Variants in CTU2 observed in about 807,000 individuals in gnomAD.
The protein encoded by CTU2 is cytoplasmic tRNA 2-thiolation protein 2.
CTU2 carries 80 observed loss-of-function variants against 64.1 expected under a neutral mutation model. That is an observed-to-expected ratio of 1.25 (90% CI 1.04 to 1.50). The LOEUF (loss-of-function observed/expected upper bound fraction) is 1.50, where lower values mean the gene tolerates loss of function less well. Among genes scored for constraint, CTU2 ranks in the 40% most tolerant of loss-of-function variants. The pLI is 0.00. For missense variants in CTU2, 1,110 were observed against 690.2 expected (o/e 1.61, Z -6.81); for synonymous variants, 482 against 285.3 (o/e 1.69, Z -6.95).
rs1462259807 is a variant in CTU2 at position 88,712,753 on chromosome 16, C to T, written c.585C>T (p.Gly195=). ...TGCTGGGGGCCGGGGGTGGTCCTGG[C>T]CCGACTCAAGGGGAGGAACAGCCAC... The part of the protein sequence containing the change: ...QHVLGAGGGP[G]PTQGEEQPPQ... The change falls in exon 7 of 15, where the codon GGC becomes GGT. Residue 195 remains glycine (G), a synonymous_variant. Transcript: ENST00000453996. 2 of 1,608,292 alleles carry T rather than the reference C, an allele frequency of 1.2e-6. No individual in the cohort carries two copies. Among genetic ancestry groups the T allele is most frequent in the African/African-American group, 2.7e-5 (2 of 74,758 alleles).
chr16:88,709,130 C>T (rs1469043279), intron 2 of CTU2: 2 of 152,210 alleles, frequency 1.3e-5, no homozygotes, highest in Non-Finnish European at 2.9e-5. Flanking sequence ...CAACAATTAG[C>T]TAGGCATGGT....
At position 88,711,671 on chromosome 16, in the gene CTU2, G is replaced by C; in HGVS notation, c.319G>C (p.Val107Leu). The change falls in exon 5 of 15, where the codon GTG becomes CTG. Residue 107 changes from valine to leucine, a missense_variant. Physicochemically the swap from Val to Leu is conservative, Grantham distance 32. Coordinates refer to ENST00000453996, the MANE Select transcript of CTU2 (RefSeq NM_001012759.3). ...AGATTCTGCCAAAAGACTGCGCTTT[G>C]TGGCAGGAGTCATCTTTGTTGACGG... ...SQDSAKRLRFVAGVIFVDEGA... is the reference protein window; with the variant it reads ...SQDSAKRLRFLAGVIFVDEGA... 6.2e-7 allele frequency: 1 copy of C among 1,608,762 alleles called. No homozygotes were observed. Among genetic ancestry groups the C allele is most frequent in the South Asian group, 1.1e-5 (1 of 90,030 alleles).
In CTU2 at chr16:88,714,571, C is replaced by T; in HGVS notation, c.1202-16C>T. 1 of 1,612,664 alleles carries T rather than the reference C, an allele frequency of 6.2e-7. No individual in the cohort carries two copies. The highest frequency in any genetic ancestry group is 8.5e-7 in the Non-Finnish European group (1 of 1,179,876). ...CTCAGCAGCCCCAGGCTCCGTCACC[C>T]CCTCTCTGCTTGCAGACAGTGCCAC... On this transcript the variant is annotated splice_polypyrimidine_tract_variant and intron_variant, in intron 11 of 14. Transcript: ENST00000453996.
In CTU2 at chr16:88,710,300, C is replaced by T. The variant is rs147078272; in HGVS notation, c.282+18C>T. Reference sequence around the variant, plus strand: ...TTCTTGAGGTGCGTGTTCACCACCCCGTGGGCCCGGGCTGCTGGGCTGAGC... The same window carrying T: ...TTCTTGAGGTGCGTGTTCACCACCCTGTGGGCCCGGGCTGCTGGGCTGAGC... On this transcript the variant is annotated intron_variant, in intron 4 of 14. Transcript: ENST00000453996. The T allele has an allele frequency of 8.0e-3, 12,832 of 1,613,672 alleles. 109 individuals carry two copies. The highest frequency in any genetic ancestry group is 0.031 in the African/African-American group (2,303 of 75,030).
At chr16:88,713,919 G>C (rs1911610571) in intron 9 of CTU2, 141 bp downstream of exon 9, 10 of 1,262,624 alleles carry the variant, frequency 7.9e-6, no homozygotes, top group Admixed American at 1.9e-5. Context: ...TGCATCCTCT[G>C]AGCCCACCCT....
At chr16:88,708,513 C>G (rs7404845) in intron 2 of CTU2, among the ~76,000 whole-genome samples, 1 of 151,996 alleles carries the variant, frequency 6.6e-6, no homozygotes, top group Non-Finnish European at 1.5e-5. Flanking sequence ...ACCTGTGTCT[C>G]CTTGTATGAG....
chr16:88,710,319 G>A, intron 4 of CTU2, 37 bp downstream of exon 4: 1 of 1,611,630 alleles, frequency 6.2e-7, no homozygotes, highest in Non-Finnish European at 8.5e-7. Context: ...GGGCTGCTGG[G>A]CTGAGCTTCA....
chr16:88,707,217 C>A lies in CTU2; in HGVS notation c.143+7C>A, dbSNP rs771036555. Reference sequence around the variant, plus strand: ...CCGGAGATGCCTTCTGCAGGTGAGGCCTGGAGGTGGCTGAGACCCTGGCAA... The same window carrying A: ...CCGGAGATGCCTTCTGCAGGTGAGGACTGGAGGTGGCTGAGACCCTGGCAA... On this transcript the variant is annotated splice_region_variant and intron_variant, in intron 2 of 14. Transcript: ENST00000453996. 6.2e-7 allele frequency: 1 copy of A among 1,613,618 alleles called. No homozygotes were observed. The highest frequency in any genetic ancestry group is 1.1e-5 in the South Asian group (1 of 91,082).
intron 2 of CTU2, among the ~76,000 whole-genome samples, chr16:88,707,647 C>T (rs919670019): frequency 6.6e-6 from 1 of 152,144 alleles, no homozygotes; most frequent in Non-Finnish European, 1.5e-5. Flanking sequence ...TGGAAGACCT[C>T]TAGCTTTCCC....
intron 1 of CTU2, 51 bp from the exon 2 acceptor site, chr16:88,707,085 G>A (rs749679925): frequency 1.9e-6 from 3 of 1,585,084 alleles, no homozygotes; most frequent in South Asian, 1.1e-5. Context: ...CACTAGGCGT[G>A]GGGAAGATGT....
chr16:88,714,558 A>C (rs773359132), intron 11 of CTU2, 29 bp from the exon 12 acceptor site: 5 of 1,612,594 alleles, frequency 3.1e-6, no homozygotes, highest in Non-Finnish European at 3.4e-6. Context: ...CAGCAGCCCC[A>C]GGCTCCGTCA....
chr16:88,712,542 G>T (rs979560792), intron 6 of CTU2, 80 bp from the exon 7 acceptor site: 1 of 1,541,972 alleles, frequency 6.5e-7, no homozygotes, highest in Non-Finnish European at 8.8e-7. Flanking sequence ...GCCGTCTCCC[G>T]CATCCCGGAA....
At position 88,714,939 on chromosome 16, in the gene CTU2, C is replaced by A. The variant is rs754504813; in HGVS notation, c.1419+13C>A. 2 of 1,612,236 alleles carry A rather than the reference C, an allele frequency of 1.2e-6. No homozygotes were observed. Among genetic ancestry groups the A allele is most frequent in the African/African-American group, 1.3e-5 (1 of 74,892 alleles). ...CATGAAGGACTTGGTGAGTACGTGC[C>A]CACCTGTCCTGGGCCGGGCTTGGGG... On this transcript the variant is annotated intron_variant, in intron 13 of 14. Coordinates refer to ENST00000453996, the MANE Select transcript of CTU2 (RefSeq NM_001012759.3).
chr16:88,706,804 C>A, intron 1 of CTU2: 1 of 523,332 alleles, frequency 1.9e-6, no homozygotes, highest in Middle Eastern at 5.2e-4. Context: ...ATCCTAGCAG[C>A]CACTGGGGAC....
chr16:88,714,678 G>C lies in CTU2; in HGVS notation c.1293G>C (p.Gly431=), dbSNP rs756089356. The change falls in exon 12 of 15, where the codon GGG becomes GGC. Residue 431 remains glycine (G), a synonymous_variant. Transcript: ENST00000453996. The part of the protein sequence containing the change: ...IPLTETRTPP[G]PCCSPGVGWA... ...TGACTGAGACCCGGACACCCCCGGG[G>C]CCCTGCTGTTCTCCAGGGGTGGGCT... 1.3e-5 allele frequency: 21 copies of C among 1,612,218 alleles called. No homozygotes were observed. In the South Asian group the frequency reaches 2.2e-4, roughly 17 times the overall value.
intron 1 of CTU2, 54 bp downstream of exon 1, chr16:88,706,652 C>T (rs1910862166): frequency 7.8e-7 from 1 of 1,285,454 alleles, no homozygotes; most frequent in Non-Finnish European, 1.0e-6. Flanking sequence ...CCGCCGCACT[C>T]CTGCCCCGAA....
At position 88,714,572 on chromosome 16, in the gene CTU2, C is replaced by T. The variant is rs759218278; in HGVS notation, c.1202-15C>T. ...TCAGCAGCCCCAGGCTCCGTCACCCCCTCTCTGCTTGCAGACAGTGCCACG... is the reference window on the plus strand; with the variant it reads ...TCAGCAGCCCCAGGCTCCGTCACCCTCTCTCTGCTTGCAGACAGTGCCACG... On this transcript the variant is annotated splice_polypyrimidine_tract_variant and intron_variant, in intron 11 of 14. Coordinates refer to ENST00000453996, the MANE Select transcript of CTU2 (RefSeq NM_001012759.3). 8.1e-6 allele frequency: 13 copies of T among 1,612,646 alleles called. 1 individual carries two copies. Among genetic ancestry groups the T allele is most frequent in the Middle Eastern group, 1.7e-4 (1 of 6,060 alleles).
At chr16:88,706,915 T>G in intron 1 of CTU2, 1 of 576,162 alleles carries the variant, frequency 1.7e-6, no homozygotes, top group Non-Finnish European at 3.1e-6. Context: ...AAGCGGCCTT[T>G]ATGTGCCCCC....
intron 2 of CTU2, among the ~76,000 whole-genome samples, chr16:88,708,300 G>A (rs117317047): frequency 0.014 from 2,189 of 152,300 alleles, 25 homozygotes; most frequent in African/African-American, 0.031. Flanking sequence ...AAGGCCTTAG[G>A]AATCTACATC....
Sources: gnomAD v4.1 joint callset for allele counts (sites outside exome capture counted in the v4.1 genomes callset) on GRCh38, gnomAD v4.1.1 for gene constraint, MANE v1.5 for transcripts, NCBI Gene and HGNC (gene_info 2026-07-23, HGNC 2026-07-21) for gene names.